C2CD2: variants seen among roughly 807,000 people sequenced by gnomAD.
C2CD2 encodes C2 calcium dependent domain containing 2, also known as C2 domain-containing protein 2.
Under a neutral mutation model 74.3 loss-of-function variants are expected in C2CD2, and 43 were observed. The observed-to-expected ratio is 0.58, with a 90% CI of 0.45 to 0.75. C2CD2 has a LOEUF of 0.75. Among genes scored for constraint, C2CD2 ranks in the 30% least tolerant of loss-of-function variants. The pLI, the probability that C2CD2 is intolerant of heterozygous loss-of-function variation, is 0.00. For synonymous variants in C2CD2, 422 were observed against 390.7 expected, an observed-to-expected ratio of 1.08 and a Z score of -0.94; for missense variants, 801 against 916.3, an observed-to-expected ratio of 0.87 and a Z score of 1.63.
At position 41,926,381 on chromosome 21, in the gene C2CD2, GA is replaced by G; in HGVS notation, c.379-4297del. On this transcript the variant is annotated intron_variant, in intron 2 of 13. Transcript: ENST00000380486. This position sits in a 1 kb window ranked among gnomAD's most constrained non-coding sequence, Gnocchi z 8.0. The stretch of plus-strand genomic sequence containing the variant: ...CACGGTAAGTCAGGGTCTCCACATG[GA>G]AAGGCCAAGGGGGGACTCACGGTTG... 2.1e-6 allele frequency: 2 copies of G among 974,472 alleles called. No homozygotes were observed. The highest frequency in any genetic ancestry group is 2.4e-6 in the Non-Finnish European group (2 of 819,984). The allele number at this position is 974,472 out of a possible 1,614,324, so 60.4% of individuals were successfully genotyped here. A position where few individuals can be genotyped will look rare whatever the true frequency, so the allele number is the denominator to read the frequency against.
rs1359551691 is a variant in C2CD2 at position 41,907,663 on chromosome 21, T to G, written c.1140A>C (p.Ala380=). ...CGSSVLGSVT[A]EFSYMEPGEL... Reference sequence around the variant, plus strand: ...GCGGCGGACAGCCTCGCCCTACCTCTGCCGTGACCGAGCCCAGCACCGAGC... The same window carrying G: ...GCGGCGGACAGCCTCGCCCTACCTCGGCCGTGACCGAGCCCAGCACCGAGC... The change falls in exon 9 of 14, where the codon GCA becomes GCC. Residue 380 remains alanine, a synonymous_variant. Coordinates refer to ENST00000380486, the MANE Select transcript of C2CD2 (RefSeq NM_015500.2). The G allele has an allele frequency of 6.2e-7, 1 of 1,611,130 alleles. No homozygotes were observed. The highest frequency in any genetic ancestry group is 8.5e-7 in the Non-Finnish European group (1 of 1,179,480).
chr21:41,927,643 G>C (rs2065226249), intron 2 of C2CD2, among the ~76,000 whole-genome samples: 1 of 151,920 alleles, frequency 6.6e-6, no homozygotes, highest in Non-Finnish European at 1.5e-5. Flanking sequence ...GCTAACTTTT[G>C]TATTTTTAGT....
intron 1 of C2CD2, among the ~76,000 whole-genome samples, chr21:41,949,277 A>G (rs2065430739): frequency 6.6e-6 from 1 of 152,206 alleles, no homozygotes; most frequent in Non-Finnish European, 1.5e-5. Flanking sequence ...ACCACTTTGT[A>G]AATATTGATG....
Position 41,920,718 on chromosome 21 carries a change from T to C in C2CD2, c.492+1254A>G, listed in dbSNP as rs2839423. Among the ~76,000 whole-genome samples, 860 of 152,342 alleles carry C rather than the reference T, an allele frequency of 5.6e-3. 4 individuals are homozygous for C. Among genetic ancestry groups the C allele is most frequent in the Middle Eastern group, 0.02 (6 of 294 alleles). On this transcript the variant is annotated intron_variant, in intron 3 of 13. Coordinates refer to ENST00000380486, the MANE Select transcript of C2CD2 (RefSeq NM_015500.2). ...CTGCGCTGAGAGGTAATCCACATAT[T>C]GGTTCCTAACTGTGTTAACAGATCA...
At chr21:41,928,017 A>G (rs371780212) in intron 2 of C2CD2, among the ~76,000 whole-genome samples, 2 of 152,314 alleles carry the variant, frequency 1.3e-5, no homozygotes, top group South Asian at 4.1e-4. Flanking sequence ...TTAATGCATC[A>G]CACGGTTTAA....
intron 11 of C2CD2, among the ~76,000 whole-genome samples, chr21:41,902,960 C>A (rs2064917363): frequency 6.6e-6 from 1 of 152,152 alleles, no homozygotes; most frequent in Non-Finnish European, 1.5e-5. Context: ...CTCCTCTCGC[C>A]TGTGGGGAAG....
At chr21:41,928,894 C>G (rs539222664) in intron 2 of C2CD2, among the ~76,000 whole-genome samples, 2 of 152,224 alleles carry the variant, frequency 1.3e-5, no homozygotes, top group Admixed American at 1.3e-4. Context: ...ATAGTGCTGA[C>G]CAGTTCTCCT....
Position 41,907,811 on chromosome 21 carries a change from G to A in C2CD2, c.1019-27C>T, listed in dbSNP as rs1452400114. The A allele has an allele frequency of 1.9e-6, 3 of 1,613,544 alleles. No homozygotes were observed. In the African/African-American group the frequency reaches 4.0e-5, roughly 22 times the overall value. ...TGAAAAGATAGGAGACAGGCAAGGG[G>A]TGCCGCTGATGTTTCCCGGGCTTCC... On this transcript the variant is annotated intron_variant, in intron 8 of 13. Coordinates refer to ENST00000380486, the MANE Select transcript of C2CD2 (RefSeq NM_015500.2).
In C2CD2 at chr21:41,929,789, A is replaced by G; in HGVS notation, c.379-7704T>C. 6.6e-6 allele frequency among the ~76,000 whole-genome samples: 1 copy of G among 152,242 alleles called. No individual in the cohort carries two copies. ...TCAGCAAGTTTTCCAAATGAAAGTT[A>G]CGTTGAAAGCCACAGTTACCATACT... On this transcript the variant is annotated intron_variant, in intron 2 of 13. Coordinates refer to ENST00000380486, the MANE Select transcript of C2CD2 (RefSeq NM_015500.2). The surrounding 1 kb of genome is among the most constrained non-coding windows in gnomAD (Gnocchi z 4.6).
At position 41,928,544 on chromosome 21, in the gene C2CD2, CAAAAAA is replaced by C. The variant is rs59346777; in HGVS notation, c.379-6465_379-6460del. On this transcript the variant is annotated intron_variant, in intron 2 of 13. Transcript: ENST00000380486. ...GAATTTCAAATCATGTAAAGCAAAG[CAAAAAA>C]AAAAAAAAAAAAAAAAAAGACAACT... Among the ~76,000 whole-genome samples the C allele has an allele frequency of 2.8e-5, 2 of 72,258 alleles. 1 individual carries two copies. 47.4% of individuals were successfully genotyped at this position (72,258 alleles called of 152,430 possible).
At chr21:41,928,534 T>C (rs1336008668) in intron 2 of C2CD2, among the ~76,000 whole-genome samples, 3 of 78,936 alleles carry the variant, frequency 3.8e-5, no homozygotes, top group Non-Finnish European at 6.6e-5. Flanking sequence ...TCAAATCATG[T>C]AAAGCAAAGC....
rs189191059 is a variant in C2CD2, at chr21:41,928,127, G to A, written c.379-6042C>T. 2.8e-3 allele frequency among the ~76,000 whole-genome samples: 426 copies of A among 152,336 alleles called. 1 individual carries two copies. Among genetic ancestry groups the A allele is most frequent in the Non-Finnish European group, 4.9e-3 (335 of 68,024 alleles). On this transcript the variant is annotated intron_variant, in intron 2 of 13. Transcript: ENST00000380486. ...CAAGACAGTTCCTTTAACATGAAGA[G>A]CAGAAGGGAAGTAGGTCTTCTCCAG...
In C2CD2 at chr21:41,899,294, G is replaced by A. The variant is rs1406341445; in HGVS notation, c.1629C>T (p.His543=). The A allele has an allele frequency of 6.2e-7, 1 of 1,611,286 alleles. No individual in the cohort carries two copies. Among genetic ancestry groups the A allele is most frequent in the Non-Finnish European group, 8.5e-7 (1 of 1,179,998 alleles). Residue 543 remains histidine, a synonymous_variant, in exon 13 of 14, where the codon CAC becomes CAT. Transcript: ENST00000380486. The surrounding 1 kb of genome is among the most constrained non-coding windows in gnomAD (Gnocchi z 4.4). ...QGYTASVDST[H]QEDAPSHPER... ...CCGGATGGGATGGGGCGTCCTCCTG[G>A]TGGGTGCTGTCCACAGAGGCCGTGT...
chr21:41,936,815 C>CT (rs34112713), intron 2 of C2CD2, among the ~76,000 whole-genome samples: 3,281 of 102,960 alleles, frequency 0.032, 107 homozygotes, highest in African/African-American at 0.076. Flanking sequence ...TTTTCTTTTC[C>CT]TTTTTTTTTT....
At chr21:41,931,504 C>A (rs2065261199) in intron 2 of C2CD2, among the ~76,000 whole-genome samples, 1 of 146,570 alleles carries the variant, frequency 6.8e-6, no homozygotes, top group African/African-American at 2.5e-5. Context: ...CTCACTGCAA[C>A]CTCTGCTTCC....
chr21:41,909,546 G>A lies in C2CD2; in HGVS notation c.954-23C>T, dbSNP rs551846035. On this transcript the variant is annotated intron_variant, in intron 7 of 13. Transcript: ENST00000380486. The stretch of plus-strand genomic sequence containing the variant: ...TCGCTTTGGAAGAGAAACAAGTTAT[G>A]AGTCCTAAAAAATGCAATGCTTGAT... 15 of 1,541,926 alleles carry A rather than the reference G, an allele frequency of 9.7e-6. No homozygotes were observed. In the East Asian group the frequency reaches 1.8e-4, roughly 18 times the overall value.
intron 9 of C2CD2, 64 bp downstream of exon 9, chr21:41,907,596 G>A: frequency 6.4e-7 from 1 of 1,561,252 alleles, no homozygotes. Context: ...AGACATAAGT[G>A]AAGACGCTCC....
chr21:41,900,583 G>C (rs1275995346), intron 12 of C2CD2, among the ~76,000 whole-genome samples: 1 of 152,162 alleles, frequency 6.6e-6, no homozygotes, highest in Non-Finnish European at 1.5e-5. Context: ...CTGGGACGTG[G>C]GGCAAGGCCA....
At chr21:41,894,802 T>A (rs759883100) in intron 13 of C2CD2, 2 of 456,734 alleles carry the variant, frequency 4.4e-6, no homozygotes, top group South Asian at 3.1e-5. Context: ...GGGTAAACGA[T>A]GCAGGGAGAA....
Sources: allele counts gnomAD v4.1 joint callset (sites outside exome capture counted in the v4.1 genomes callset), GRCh38; gene constraint gnomAD v4.1.1; non-coding constraint Gnocchi (gnomAD v3.1); transcripts MANE v1.5; gene names NCBI Gene and HGNC (gene_info 2026-07-23, HGNC 2026-07-21).